DDX47: variants seen among roughly 807,000 people sequenced by gnomAD.
DDX47 encodes probable ATP-dependent RNA helicase DDX47.
Under a neutral mutation model 58.8 loss-of-function variants are expected in DDX47, and 60 were observed. The observed-to-expected ratio is 1.02, with a 90% CI of 0.83 to 1.26. DDX47 has a LOEUF of 1.26. DDX47 is among the 50% of genes most tolerant of loss of function. The pLI is 0.00. For synonymous variants in DDX47, 197 were observed against 204.6 expected, an observed-to-expected ratio of 0.96 and a Z score of 0.32; for missense variants, 530 against 573.2, an observed-to-expected ratio of 0.92 and a Z score of 0.77.
chr12:12,813,396 C>T lies in DDX47; in HGVS notation c.29C>T (p.Pro10Leu). ...GCGGCACCCGAGGAACACGATTCTCCGACCGAAGCGTCCCAGCCGATTGTG... is the reference window on the plus strand; with the variant it reads ...GCGGCACCCGAGGAACACGATTCTCTGACCGAAGCGTCCCAGCCGATTGTG... MAAPEEHDS[P>L]TEASQPIVEE... is the part of the protein sequence containing the mutation. Residue 10 changes from proline to leucine, a missense_variant, in exon 1 of 12, where the codon CCG (proline) becomes CTG (leucine). Pro to Leu is a moderately conservative substitution (Grantham distance 98, BLOSUM62 -3). Coordinates refer to ENST00000358007, the MANE Select transcript of DDX47 (RefSeq NM_016355.4). The T allele has an allele frequency of 1.2e-6, 2 of 1,613,482 alleles. No individual in the cohort carries two copies. The highest frequency in any genetic ancestry group is 1.7e-6 in the Non-Finnish European group (2 of 1,179,744).
chr12:12,823,348 C>T, intron 7 of DDX47, 29 bp downstream of exon 7: 1 of 1,279,378 alleles, frequency 7.8e-7, no homozygotes, highest in Non-Finnish European at 1.1e-6. Flanking sequence ...TCATTCCTGC[C>T]TCTCCCTCTT....
Position 12,824,648 on chromosome 12 carries a change from G to C in DDX47, c.1006G>C (p.Val336Leu), listed in dbSNP as rs1863024023. 6.2e-7 allele frequency: 1 copy of C among 1,614,058 alleles called. No individual in the cohort carries two copies. Among genetic ancestry groups the C allele is most frequent in the Non-Finnish European group, 8.5e-7 (1 of 1,180,016 alleles). ...GGACATACCTCATGTAGATGTGGTT[G>C]TCAACTTTGACATTCCTACCCATTC... ...GLDIPHVDVV[V>L]NFDIPTHSKD... Residue 336 changes from valine to leucine, a missense_variant, in exon 9 of 12, where the codon GTC becomes CTC. Physicochemically the swap from Val to Leu is conservative, Grantham distance 32. Coordinates refer to ENST00000358007, the MANE Select transcript of DDX47 (RefSeq NM_016355.4).
chr12:12,826,119 C>A, intron 10 of DDX47, 49 bp downstream of exon 10: 1 of 1,514,650 alleles, frequency 6.6e-7, no homozygotes, highest in Non-Finnish European at 9.0e-7. Context: ...AAGAGCAGAA[C>A]TTTCAAGCCA....
At position 12,821,311 on chromosome 12, in the gene DDX47, C is replaced by G. The variant is rs200280129; in HGVS notation, c.285C>G (p.Ala95=). The G allele has an allele frequency of 6.2e-7, 1 of 1,614,170 alleles. No homozygotes were observed. ...ALLETPQRLF[A]LVLTPTRELA... is the part of the protein sequence containing the mutation. Reference sequence around the variant, plus strand: ...TGGAGACCCCGCAGCGTTTGTTTGCCCTAGTTCTTACCCCGACTCGGGAGC... The same window carrying G: ...TGGAGACCCCGCAGCGTTTGTTTGCGCTAGTTCTTACCCCGACTCGGGAGC... The change falls in exon 3 of 12, where the codon GCC becomes GCG. Residue 95 remains alanine, a synonymous_variant. Transcript: ENST00000358007.
In DDX47 at chr12:12,821,354, G is replaced by T; in HGVS notation, c.328G>T (p.Glu110Ter). Residue 110 changes from glutamate (E) to a stop codon, truncating the protein, a stop_gained, in exon 3 of 12, where the codon GAG (glutamate) becomes TAG (stop). Coordinates refer to ENST00000358007, the MANE Select transcript of DDX47 (RefSeq NM_016355.4). LOFTEE classifies it high-confidence loss of function. ...PTRELAFQIS[E>*]QFEALGSSIG... is the part of the protein sequence containing the mutation. ...TCGGGAGCTGGCCTTTCAGATCTCA[G>T]AGCAGTTTGAAGCCCTGGGGTCCTC... is the stretch of plus-strand genomic sequence containing the variant. The T allele has an allele frequency of 6.2e-7, 1 of 1,614,200 alleles. No homozygotes were observed. The highest frequency in any genetic ancestry group is 8.5e-7 in the Non-Finnish European group (1 of 1,180,038).
rs1242065206 is a variant in DDX47, at chr12:12,823,925, T to G, written c.806T>G (p.Phe269Cys). 6.2e-7 allele frequency: 1 copy of G among 1,614,162 alleles called. No homozygotes were observed. The change falls in exon 8 of 12, where the codon TTC (phenylalanine) becomes TGC (cysteine). Residue 269 changes from phenylalanine to cysteine, a missense_variant. By Grantham distance (205) the Phe-to-Cys change is radical (BLOSUM62 -2). Transcript: ENST00000358007. ...TTGGCTGGAAACTCCTTTATGATATTCTGCAGCACCTGTAATAATACCCAG... is the reference window on the plus strand; with the variant it reads ...TTGGCTGGAAACTCCTTTATGATATGCTGCAGCACCTGTAATAATACCCAG... ...NELAGNSFMI[F>C]CSTCNNTQRT... is the part of the protein sequence containing the mutation.
At chr12:12,816,812 G>A (rs1440382887) in intron 2 of DDX47, among the ~76,000 whole-genome samples, 1 of 152,212 alleles carries the variant, frequency 6.6e-6, no homozygotes, top group Non-Finnish European at 1.5e-5. Context: ...CAGCGGCCCA[G>A]TGTTACTTTT....
chr12:12,828,637 G>T (rs1485367667), intron 11 of DDX47, among the ~76,000 whole-genome samples: 1 of 152,068 alleles, frequency 6.6e-6, no homozygotes, highest in Non-Finnish European at 1.5e-5. Context: ...GTGCACATTT[G>T]GTTTTTATTC....
chr12:12,817,414 A>G (rs1299741177), intron 2 of DDX47, among the ~76,000 whole-genome samples: 1 of 152,194 alleles, frequency 6.6e-6, no homozygotes, highest in Admixed American at 6.5e-5. Flanking sequence ...GTTACTATCA[A>G]GAGATCAAAA....
Position 12,827,272 on chromosome 12 carries a change from T to C in DDX47, c.1133T>C (p.Ile378Thr). Residue 378 changes from isoleucine (I) to threonine (T), a missense_variant, in exon 11 of 12, where the codon ATA (isoleucine) becomes ACA (threonine). By Grantham distance (89) the Ile-to-Thr change is moderately conservative. Coordinates refer to ENST00000358007, the MANE Select transcript of DDX47 (RefSeq NM_016355.4). ...TATGATGTGGAACTCTTCCAGCGCA[T>C]AGAACACTTAATTGGGAAGAAACTA... ...TQYDVELFQR[I>T]EHLIGKKLPG... The C allele has an allele frequency of 1.2e-6, 2 of 1,614,190 alleles. No homozygotes were observed. Among genetic ancestry groups the C allele is most frequent in the Non-Finnish European group, 1.7e-6 (2 of 1,180,042 alleles).
chr12:12,813,758 A>G (rs1862850788), intron 1 of DDX47, among the ~76,000 whole-genome samples: 1 of 152,208 alleles, frequency 6.6e-6, no homozygotes, highest in African/African-American at 2.4e-5. Flanking sequence ...GGAGCTTTGG[A>G]GTCAGATGAA....
chr12:12,824,191 C>A, intron 8 of DDX47, 175 bp downstream of exon 8: 2 of 770,536 alleles, frequency 2.6e-6, no homozygotes, highest in Non-Finnish European at 4.0e-6. Context: ...TTCAGGGTAG[C>A]GAGAGGCTCC....
chr12:12,828,437 C>A (rs891563949), intron 11 of DDX47, among the ~76,000 whole-genome samples: 1 of 152,066 alleles, frequency 6.6e-6, no homozygotes, highest in African/African-American at 2.4e-5. Context: ...TAGAAAAAAT[C>A]TGAAGTCCGA....
In DDX47 at chr12:12,821,242, T is replaced by G. The variant is rs1488305913; in HGVS notation, c.216T>G (p.Ser72=). 3.7e-6 allele frequency: 6 copies of G among 1,614,138 alleles called. No homozygotes were observed. Among genetic ancestry groups the G allele is most frequent in the Non-Finnish European group, 5.1e-6 (6 of 1,180,048 alleles). The part of the protein sequence containing the change: ...RDIIGLAETG[S]GKTGAFALPI... ...TCATTGGGCTTGCAGAAACTGGCTC[T>G]GGAAAGACAGGCGCCTTTGCTTTGC... Residue 72 remains serine (S), a synonymous_variant, in exon 3 of 12, where the codon TCT becomes TCG. Transcript: ENST00000358007.
At chr12:12,825,366 T>C (rs1442294697) in intron 9 of DDX47, among the ~76,000 whole-genome samples, 2 of 152,174 alleles carry the variant, frequency 1.3e-5, no homozygotes, top group African/African-American at 4.8e-5. Flanking sequence ...GTTCTTTGAG[T>C]TGAAGGATTC....
At position 12,814,175 on chromosome 12, in the gene DDX47, G is replaced by A; in HGVS notation, c.132G>A (p.Trp44Ter). 6.2e-7 allele frequency: 1 copy of A among 1,613,854 alleles called. No individual in the cohort carries two copies. The highest frequency in any genetic ancestry group is 8.5e-7 in the Non-Finnish European group (1 of 1,179,790). The change falls in exon 2 of 12, where the codon TGG (tryptophan) becomes TGA (stop). Residue 44 changes from tryptophan (W) to a stop codon, truncating the protein, a stop_gained. Transcript: ENST00000358007. LOFTEE classifies it high-confidence loss of function. ...GTGAAGCTTGTGACCAGTTGGGATG[G>A]ACAAAACCCACCAAGATCCAGATTG... ...VLCEACDQLG[W>*]TKPTKIQIEA...
At chr12:12,823,721 A>G in intron 7 of DDX47, 149 bp from the exon 8 acceptor site, 1 of 736,446 alleles carries the variant, frequency 1.4e-6, no homozygotes, top group Non-Finnish European at 2.2e-6. Flanking sequence ...AGAGATGATA[A>G]TGCTGGTTAA....
chr12:12,820,037 T>G (rs1862945998), intron 2 of DDX47, among the ~76,000 whole-genome samples: 1 of 140,894 alleles, frequency 7.1e-6, no homozygotes. Context: ...TTCTCAGCAG[T>G]TACACAGTCA....
intron 1 of DDX47, 43 bp from the exon 2 acceptor site, chr12:12,814,088 G>T: frequency 8.4e-7 from 1 of 1,197,080 alleles, no homozygotes; most frequent in South Asian, 1.2e-5. Context: ...GGGAGGTAGG[G>T]GTGTGCTGTT....
Sources: gnomAD v4.1 joint callset for allele counts (sites outside exome capture counted in the v4.1 genomes callset) on GRCh38, gnomAD v4.1.1 for gene constraint, MANE v1.5 for transcripts, NCBI Gene and HGNC (gene_info 2026-07-23, HGNC 2026-07-21) for gene names.